CTTNBP2: variants seen among roughly 807,000 people sequenced by gnomAD.
The protein encoded by CTTNBP2 is cortactin-binding protein 2.
In CTTNBP2, 108 loss-of-function variants were observed where a neutral mutation model predicts 156.9. The observed-to-expected ratio is 0.69, with a 90% CI of 0.59 to 0.81. The LOEUF is 0.81. Among genes scored for constraint, CTTNBP2 ranks in the 30% least tolerant of loss-of-function variants. The pLI, the probability that CTTNBP2 is intolerant of heterozygous loss-of-function variation, is 0.00. For synonymous variants in CTTNBP2, 767 were observed against 751.8 expected (o/e 1.02, Z -0.33); for missense variants, 1,924 against 2,035.4 (o/e 0.95, Z 1.05).
At chr7:117,776,529 A>T (rs1490629393) in intron 8 of CTTNBP2, among the ~76,000 whole-genome samples, 3 of 152,040 alleles carry the variant, frequency 2.0e-5, no homozygotes, top group African/African-American at 7.2e-5. Flanking sequence ...ATTAACAGGG[A>T]CCTGTTATCC....
chr7:117,763,792 AAC>A (rs1462917862), intron 9 of CTTNBP2, among the ~76,000 whole-genome samples: 1 of 151,758 alleles, frequency 6.6e-6, no homozygotes, highest in Non-Finnish European at 1.5e-5. Flanking sequence ...ACTGGTCTTG[AAC>A]TCCTGGGCTC....
chr7:117,786,085 C>T (rs17140426), intron 4 of CTTNBP2, among the ~76,000 whole-genome samples: 41,819 of 152,038 alleles, frequency 0.28, 10,757 homozygotes, highest in African/African-American at 0.68. Flanking sequence ...ATTATCTTAG[C>T]ATTTTAAAAG....
At chr7:117,802,971 T>C (rs1799722324) in intron 3 of CTTNBP2, among the ~76,000 whole-genome samples, 1 of 152,180 alleles carries the variant, frequency 6.6e-6, no homozygotes, top group Admixed American at 6.5e-5. Flanking sequence ...GGAAAGCAGT[T>C]TGGAGATTTC....
At chr7:117,856,095 A>C (rs541464685) in intron 2 of CTTNBP2, among the ~76,000 whole-genome samples, 1 of 152,322 alleles carries the variant, frequency 6.6e-6, no homozygotes, top group South Asian at 2.1e-4. Context: ...TGTTGCCCCA[A>C]GTCCTCCCTT....
At chr7:117,778,073 T>A (rs1184012842) in intron 7 of CTTNBP2, among the ~76,000 whole-genome samples, 2 of 152,176 alleles carry the variant, frequency 1.3e-5, no homozygotes, top group African/African-American at 4.8e-5. Flanking sequence ...TAAATCAAAA[T>A]CTCAATTTAA....
rs528822179 is a variant in CTTNBP2, at chr7:117,847,708, G to C, written c.189+13501C>G. ...AGCAGTCATCATACATTCTGACAGT[G>C]TCATAAGCCAAAATTATTTGACATC... On this transcript the variant is annotated intron_variant, in intron 2 of 22. Coordinates refer to ENST00000160373, the MANE Select transcript of CTTNBP2 (RefSeq NM_033427.3). 2.0e-5 allele frequency among the ~76,000 whole-genome samples: 3 copies of C among 151,310 alleles called. No individual in the cohort carries two copies. In the East Asian group the frequency reaches 5.8e-4, roughly 29 times the overall value.
At chr7:117,797,069 G>C (rs1799363101) in intron 3 of CTTNBP2, among the ~76,000 whole-genome samples, 1 of 152,198 alleles carries the variant, frequency 6.6e-6, no homozygotes, top group African/African-American at 2.4e-5. Flanking sequence ...TGCTCAGCTG[G>C]AGGCAATTCC....
intron 10 of CTTNBP2, among the ~76,000 whole-genome samples, chr7:117,759,029 G>C (rs969307774): frequency 1.3e-5 from 2 of 152,176 alleles, no homozygotes; most frequent in African/African-American, 2.4e-5. Context: ...ACCACAGTTT[G>C]AGTAATACTC....
chr7:117,755,654 C>A, intron 12 of CTTNBP2: 1 of 441,466 alleles, frequency 2.3e-6, no homozygotes. Context: ...TGGCATATTG[C>A]CTGGCATGTA....
intron 21 of CTTNBP2, 84 bp downstream of exon 21, chr7:117,719,420 A>C: frequency 1.5e-6 from 2 of 1,299,630 alleles, no homozygotes; most frequent in Non-Finnish European, 2.1e-6. Context: ...TCAATAAGGA[A>C]TTTCTTTTAG....
chr7:117,830,881 C>A (rs1240365513), intron 2 of CTTNBP2, among the ~76,000 whole-genome samples: 1 of 152,126 alleles, frequency 6.6e-6, no homozygotes, highest in Non-Finnish European at 1.5e-5. Flanking sequence ...ATTTGAACTC[C>A]ACTTTGGAGA....
intron 9 of CTTNBP2, among the ~76,000 whole-genome samples, chr7:117,761,388 G>A (rs1002247897): frequency 4.6e-5 from 7 of 152,178 alleles, no homozygotes; most frequent in Admixed American, 1.3e-4. Flanking sequence ...CAATTTCTCC[G>A]ACTGAGGCTC....
At chr7:117,765,723 T>C (rs1279685682) in intron 9 of CTTNBP2, among the ~76,000 whole-genome samples, 2 of 152,194 alleles carry the variant, frequency 1.3e-5, no homozygotes, top group Admixed American at 6.5e-5. Context: ...GGACACATCA[T>C]TAAAACTTTT....
chr7:117,811,346 G>A (rs1428310210), intron 2 of CTTNBP2, among the ~76,000 whole-genome samples: 1 of 152,016 alleles, frequency 6.6e-6, no homozygotes, highest in Non-Finnish European at 1.5e-5. Flanking sequence ...TGTCATCCAG[G>A]CTGGAATGCA....
chr7:117,804,099 AC>A (rs1174455569), intron 3 of CTTNBP2, among the ~76,000 whole-genome samples: 2 of 152,054 alleles, frequency 1.3e-5, no homozygotes, highest in Non-Finnish European at 2.9e-5. Context: ...AGTAGCTAGG[AC>A]TACAGGTATG....
intron 2 of CTTNBP2, 133 bp from the exon 3 acceptor site, chr7:117,811,122 GGTGA>G (rs1372698214): frequency 1.5e-6 from 1 of 682,930 alleles, no homozygotes; most frequent in African/African-American, 1.8e-5. Context: ...TGATGTCAGT[GGTGA>G]GTGAGAGGCA....
intron 2 of CTTNBP2, among the ~76,000 whole-genome samples, chr7:117,851,797 G>A (rs1227417571): frequency 6.6e-6 from 1 of 152,128 alleles, no homozygotes; most frequent in African/African-American, 2.4e-5. Context: ...ATGGAAGGTT[G>A]CTTCTCAGTT....
At chr7:117,739,661 C>T (rs926547165) in intron 14 of CTTNBP2, among the ~76,000 whole-genome samples, 3 of 152,162 alleles carry the variant, frequency 2.0e-5, no homozygotes, top group Admixed American at 6.5e-5. Context: ...TGCTTTGTGT[C>T]GTAGGTGAGT....
intron 1 of CTTNBP2, among the ~76,000 whole-genome samples, chr7:117,864,179 C>A (rs1207773665): frequency 3.9e-5 from 6 of 151,984 alleles, no homozygotes; most frequent in African/African-American, 1.5e-4. Context: ...TATGTATTAC[C>A]ATCAATAAAG....
Sources: allele counts gnomAD v4.1 joint callset (sites outside exome capture counted in the v4.1 genomes callset), GRCh38; gene constraint gnomAD v4.1.1; transcripts MANE v1.5; gene names NCBI Gene and HGNC (gene_info 2026-07-23, HGNC 2026-07-21).